Variants in MEF2D observed in about 807,000 individuals in gnomAD.
The protein encoded by MEF2D is myocyte-specific enhancer factor 2D.
Under a neutral mutation model 59.3 loss-of-function variants are expected in MEF2D, and 10 were observed. The observed-to-expected ratio is 0.17, with a 90% CI of 0.10 to 0.29. MEF2D has a LOEUF of 0.29. Among genes scored for constraint, MEF2D ranks in the 10% least tolerant of loss-of-function variants. The probability of loss-of-function intolerance (pLI) is 1.00; values close to 1 mark genes in which losing one functional copy is unlikely to be tolerated. For missense variants in MEF2D, 508 were observed against 699.4 expected (o/e 0.73, Z 3.09); for synonymous variants, 305 against 295.0 (o/e 1.03, Z -0.35).
intron 3 of MEF2D, 63 bp from the exon 4 acceptor site, chr1:156,481,034 C>T (rs1671979253): frequency 6.2e-7 from 1 of 1,602,698 alleles, no homozygotes; most frequent in Non-Finnish European, 8.5e-7. Context: ...GCTGGAGTTC[C>T]TTCCAGCCCC....
chr1:156,470,543 T>TA (rs1231392671), intron 9 of MEF2D, among the ~76,000 whole-genome samples: 5 of 152,204 alleles, frequency 3.3e-5, no homozygotes, highest in Non-Finnish European at 5.9e-5. Flanking sequence ...AGTATGCTAT[T>TA]ACTCAGGGAG....
chr1:156,477,677 G>GAGA (rs1228771750), intron 6 of MEF2D, among the ~76,000 whole-genome samples: 2 of 152,182 alleles, frequency 1.3e-5, no homozygotes, highest in African/African-American at 4.8e-5. Flanking sequence ...GGGCCTCACT[G>GAGA]AGAAGCCTGG....
intron 6 of MEF2D, among the ~76,000 whole-genome samples, chr1:156,477,634 C>T (rs1671705434): frequency 6.6e-6 from 1 of 152,192 alleles, no homozygotes; most frequent in South Asian, 2.1e-4. Context: ...CCCACCATGA[C>T]CAGGATGTGG....
rs183704993 is a variant in MEF2D at position 156,489,214 on chromosome 1, C to T, written c.-138-5784G>A. On this transcript the variant is annotated intron_variant, in intron 1 of 11. Coordinates refer to ENST00000348159, the MANE Select transcript of MEF2D (RefSeq NM_005920.4). ...GAGGACTGGAGGGGAAGGCAGGAGG[C>T]GCTGGAGACAGCTGTCATCCCTCCT... is the stretch of plus-strand genomic sequence containing the variant. Among the ~76,000 whole-genome samples the T allele has an allele frequency of 3.8e-3, 575 of 152,296 alleles. 3 individuals carry two copies. Among genetic ancestry groups the T allele is most frequent in the South Asian group, 0.017 (83 of 4,820 alleles).
At chr1:156,482,863 G>C (rs1672110179) in intron 2 of MEF2D, among the ~76,000 whole-genome samples, 3 of 152,216 alleles carry the variant, frequency 2.0e-5, no homozygotes, top group Admixed American at 6.5e-5. Flanking sequence ...CACTGAAGGG[G>C]CAGGATTCAG....
chr1:156,480,625 C>A, intron 4 of MEF2D: 1 of 1,540,834 alleles, frequency 6.5e-7, no homozygotes, highest in Non-Finnish European at 8.8e-7. Flanking sequence ...GGAGGCTCTG[C>A]TCCATGCGAC....
chr1:156,483,518 CT>C (rs1672160220), intron 1 of MEF2D, 88 bp from the exon 2 acceptor site: 1 of 565,108 alleles, frequency 1.8e-6, no homozygotes, highest in African/African-American at 1.9e-5. Context: ...CACAGCGCCC[CT>C]GTGAGAGGCT....
chr1:156,495,346 C>T (rs1673068309), intron 1 of MEF2D, among the ~76,000 whole-genome samples: 1 of 152,190 alleles, frequency 6.6e-6, no homozygotes, highest in South Asian at 2.1e-4. Flanking sequence ...AAGTCACTTA[C>T]ATCTCTGAGA....
chr1:156,476,322 A>G (rs568189681), intron 8 of MEF2D, among the ~76,000 whole-genome samples, 172 bp downstream of exon 8: 1 of 152,152 alleles, frequency 6.6e-6, no homozygotes, highest in South Asian at 2.1e-4. Flanking sequence ...CACCCCATTC[A>G]CCTTTGAATC....
In MEF2D at chr1:156,496,897, T is replaced by C. The variant is rs1054275171; in HGVS notation, c.-139+3589A>G. Reference sequence around the variant, plus strand: ...CCAGGACAAACGCCTCAGAATACTTTCAGCCATAAGCAGGGAGAGGAAAAA... The same window carrying C: ...CCAGGACAAACGCCTCAGAATACTTCCAGCCATAAGCAGGGAGAGGAAAAA... On this transcript the variant is annotated intron_variant, in intron 1 of 11. Transcript: ENST00000348159. Among the ~76,000 whole-genome samples the C allele has an allele frequency of 3.3e-5, 5 of 152,266 alleles. No homozygotes were observed. In the East Asian group the frequency reaches 7.7e-4, roughly 23 times the overall value.
In MEF2D at chr1:156,479,600, C is replaced by T. The variant is rs1254157277; in HGVS notation, c.593G>A (p.Arg198Gln). The change falls in exon 5 of 12, where the codon CGG becomes CAG. Residue 198 changes from arginine to glutamine, a missense_variant. Arg to Gln is a conservative substitution (Grantham distance 43). Transcript: ENST00000348159. ...RNSVSPGLPQ[R>Q]PASAGAMLGG... ...AGCCCACTCACCCGCACTAGCTGGC[C>T]GCTGGGGCAGGCCAGGAGACACACT... 4.5e-6 allele frequency: 7 copies of T among 1,550,654 alleles called. No homozygotes were observed. Among genetic ancestry groups the T allele is most frequent in the East Asian group, 4.9e-5 (2 of 41,120 alleles).
chr1:156,467,359 TC>T lies in MEF2D; in HGVS notation c.*285del, dbSNP rs1171583094. ...GCATATGTGTACAACGTGCAAAGTG[TC>T]CCCCCTTCCCGCGAAAAAGAGAGCC... On this transcript the variant is annotated 3_prime_UTR_variant, in exon 12 of 12. Coordinates refer to ENST00000348159, the MANE Select transcript of MEF2D (RefSeq NM_005920.4). 8.7e-5 allele frequency: 14 copies of T among 160,150 alleles called. No homozygotes were observed. In the East Asian group the frequency reaches 2.0e-3, roughly 23 times the overall value. 9.9% of individuals were successfully genotyped at this position (160,150 alleles called of 1,614,324 possible). A position where few individuals can be genotyped will look rare whatever the true frequency, so the allele number is the denominator to read the frequency against.
At chr1:156,479,224 G>T in intron 6 of MEF2D, 66 bp downstream of exon 6, 2 of 1,395,998 alleles carry the variant, frequency 1.4e-6, no homozygotes, top group African/African-American at 1.5e-5. Flanking sequence ...CCTGATCCTT[G>T]GACCCCCTGA....
At chr1:156,486,562 T>C (rs566973865) in intron 1 of MEF2D, among the ~76,000 whole-genome samples, 2 of 152,202 alleles carry the variant, frequency 1.3e-5, no homozygotes, top group Admixed American at 6.5e-5. Context: ...AACCGAATTC[T>C]TGCAGAGATG....
intron 1 of MEF2D, among the ~76,000 whole-genome samples, chr1:156,489,287 G>A (rs941910211): frequency 4.6e-5 from 7 of 152,168 alleles, no homozygotes; most frequent in Non-Finnish European, 1.0e-4. Context: ...ATAAGCAGCA[G>A]GCGCTGGGGG....
At position 156,476,836 on chromosome 1, in the gene MEF2D, CCTCTTAAAA is replaced by C. The variant is rs1166009559; in HGVS notation, c.855+167_855+175del. 4 of 749,144 alleles carry C rather than the reference CCTCTTAAAA, an allele frequency of 5.3e-6. No individual in the cohort carries two copies. In the African/African-American group the frequency reaches 7.1e-5, roughly 13 times the overall value. The allele number at this position is 749,144 out of a possible 1,614,324, so 46.4% of individuals were successfully genotyped here. Reference sequence around the variant, plus strand: ...TAGGCTGGTACTTCTTGTGCTGCAACCTCTTAAAAGGCCCTCTGGGAAGAAAAATCTCAT... The same window carrying C: ...TAGGCTGGTACTTCTTGTGCTGCAACGGCCCTCTGGGAAGAAAAATCTCAT... On this transcript the variant is annotated intron_variant, in intron 7 of 11. Transcript: ENST00000348159.
In MEF2D at chr1:156,480,913, G is replaced by A. The variant is rs1181628265; in HGVS notation, c.317C>T (p.Ser106Leu). 3.1e-6 allele frequency: 5 copies of A among 1,611,912 alleles called. No homozygotes were observed. The South Asian group carries it at 3.3e-5, about 11-fold the overall frequency. Residue 106 changes from serine to leucine, a missense_variant, in exon 4 of 12, where the codon TCG becomes TTG. Ser to Leu is a moderately radical substitution (Grantham distance 145, BLOSUM62 -2). Transcript: ENST00000348159. The stretch of plus-strand genomic sequence containing the variant: ...CTCCAGCAGGGGGCTCTGTTCCAGC[G>A]AGTCCTCCCCGTCGGGCTCGGGGCT... ...CDSPEPDGED[S>L]LEQSPLLEDK... is the part of the protein sequence containing the mutation.
chr1:156,486,852 A>G (rs1384709064), intron 1 of MEF2D, among the ~76,000 whole-genome samples: 1 of 152,210 alleles, frequency 6.6e-6, no homozygotes, highest in African/African-American at 2.4e-5. Context: ...ATACTATTTC[A>G]TTGTTGTGGT....
intron 6 of MEF2D, among the ~76,000 whole-genome samples, chr1:156,478,494 G>A (rs988560426): frequency 1.3e-5 from 2 of 152,102 alleles, no homozygotes; most frequent in Non-Finnish European, 2.9e-5. Flanking sequence ...GGGGCTGTCC[G>A]CTGCCAGGGG....
Sources: allele counts gnomAD v4.1 joint callset (sites outside exome capture counted in the v4.1 genomes callset), GRCh38; gene constraint gnomAD v4.1.1; transcripts MANE v1.5; gene names NCBI Gene and HGNC (gene_info 2026-07-23, HGNC 2026-07-21).